Variants in HEATR5A observed in about 807,000 individuals in gnomAD.
HEATR5A encodes the protein HEAT repeat-containing protein 5A.
In HEATR5A, 178 loss-of-function variants were observed where a neutral mutation model predicts 218.8. The ratio of observed to expected loss-of-function variants is 0.81; its 90% CI spans 0.72 to 0.92. The LOEUF (loss-of-function observed/expected upper bound fraction) is 0.92, where lower values mean the gene tolerates loss of function less well. HEATR5A is among the 40% of genes least tolerant of loss of function. The pLI is 0.00. For missense variants in HEATR5A, 2,420 were observed against 2,418.9 expected, an observed-to-expected ratio of 1.00 and a Z score of -0.01; for synonymous variants, 864 against 871.6, an observed-to-expected ratio of 0.99 and a Z score of 0.15.
In HEATR5A at chr14:31,293,957, G is replaced by A. The variant is rs539562323; in HGVS notation, c.5767C>T (p.Leu1923Phe). Residue 1923 changes from leucine to phenylalanine, a missense_variant, in exon 35 of 36, where the codon CTT becomes TTT. By Grantham distance (22) the Leu-to-Phe change is conservative. Transcript: ENST00000543095. ...TTTATGCCTTCTTGGAAGATCTCAA[G>A]CTCAGCAGTGTTTTCAGGTTTTCTC... is the stretch of plus-strand genomic sequence containing the variant. ...DKRKPENTAE[L>F]EIFQEGIKVL... 5 of 1,607,858 alleles carry A rather than the reference G, an allele frequency of 3.1e-6. No homozygotes were observed. In the African/African-American group the frequency reaches 5.3e-5, roughly 17 times the overall value.
At chr14:31,325,928 T>C in intron 23 of HEATR5A, 1 of 553,778 alleles carries the variant, frequency 1.8e-6, no homozygotes, top group Non-Finnish European at 3.2e-6. Context: ...TATAGGAAAG[T>C]CATCTAAGAC....
At chr14:31,295,811 TA>T in intron 34 of HEATR5A, 97 bp downstream of exon 34, 1 of 912,960 alleles carries the variant, frequency 1.1e-6, no homozygotes, top group African/African-American at 1.7e-5. Context: ...AATTGTAGTC[TA>T]ATACTTCCTA....
In HEATR5A at chr14:31,340,406, C is replaced by T. The variant is rs186628689; in HGVS notation, c.3229-2792G>A. The T allele has an allele frequency of 2.7e-3, 3,384 of 1,247,544 alleles. 5 individuals carry two copies. Among genetic ancestry groups the T allele is most frequent in the Middle Eastern group, 3.9e-3 (18 of 4,580 alleles). The allele number at this position is 1,247,544 out of a possible 1,614,324, so 77.3% of individuals were successfully genotyped here. On this transcript the variant is annotated intron_variant, in intron 21 of 35. Coordinates refer to ENST00000543095, the MANE Select transcript of HEATR5A (RefSeq NM_015473.4). ...AAAAAATGACACAAAGAAACAGCAC[C>T]GCAAAACTCAAAAAAAGTTAGGAAT... is the stretch of plus-strand genomic sequence containing the variant.
chr14:31,359,750 A>AAAAAAAC, intron 14 of HEATR5A, among the ~76,000 whole-genome samples: 1 of 151,236 alleles, frequency 6.6e-6, no homozygotes, highest in African/African-American at 2.4e-5. Context: ...AAAAAAAAAA[A>AAAAAAAC]AAAGAATTAT....
chr14:31,325,379 G>A (rs1190783827), intron 23 of HEATR5A, among the ~76,000 whole-genome samples: 2 of 151,996 alleles, frequency 1.3e-5, no homozygotes, highest in Non-Finnish European at 2.9e-5. Context: ...ATTATTGTAT[G>A]TAGTGAAACT....
chr14:31,345,236 G>A lies in HEATR5A; in HGVS notation c.2909C>T (p.Ala970Val). 6.2e-7 allele frequency: 1 copy of A among 1,612,966 alleles called. No homozygotes were observed. The highest frequency in any genetic ancestry group is 8.5e-7 in the Non-Finnish European group (1 of 1,179,282). ...CACATGCACATAATAGAGTGGGCCA[G>A]CAGAATCAATGATCAATGATAGAGA... is the stretch of plus-strand genomic sequence containing the variant. The part of the protein sequence containing the change: ...LHSLSLIIDS[A>V]GPLYYVHVEP... The change falls in exon 20 of 36, where the codon GCT becomes GTT. Residue 970 changes from alanine (A) to valine (V), a missense_variant. Physicochemically the swap from Ala to Val is moderately conservative, Grantham distance 64. Transcript: ENST00000543095.
intron 16 of HEATR5A, among the ~76,000 whole-genome samples, chr14:31,354,760 G>T (rs936987981): frequency 5.9e-5 from 9 of 151,934 alleles, no homozygotes; most frequent in Admixed American, 1.3e-4. Context: ...CTTTAGACAG[G>T]GGGTACACAC....
chr14:31,314,683 G>A (rs149655025), intron 27 of HEATR5A, among the ~76,000 whole-genome samples: 1 of 152,104 alleles, frequency 6.6e-6, no homozygotes, highest in South Asian at 2.1e-4. Context: ...TTACAAGCAT[G>A]AGCCACTGCA....
intron 22 of HEATR5A, among the ~76,000 whole-genome samples, chr14:31,336,961 A>G (rs1229546160): frequency 4.6e-5 from 7 of 152,272 alleles, no homozygotes; most frequent in African/African-American, 7.2e-5. Context: ...CTCATAGGCT[A>G]CAAACCCATA....
intron 22 of HEATR5A, among the ~76,000 whole-genome samples, chr14:31,326,682 G>A (rs928383082): frequency 4.6e-5 from 7 of 151,812 alleles, no homozygotes; most frequent in Non-Finnish European, 1.0e-4. Context: ...CACTCTTGTT[G>A]CCCAGGCTAG....
chr14:31,294,101 G>A lies in HEATR5A; in HGVS notation c.5623C>T (p.Gln1875Ter). Residue 1875 changes from glutamine to a stop codon, truncating the protein, a stop_gained, in exon 35 of 36, where the codon CAA becomes TAA. Coordinates refer to ENST00000543095, the MANE Select transcript of HEATR5A (RefSeq NM_015473.4). LOFTEE classifies it high-confidence loss of function. ...ATLEIKDPVV[Q>*]IKTYQLLHSI... ...TGTAGGAGCTGGTAGGTCTTGATTT[G>A]TACCTAATAAGGTAAGAGAAAAGAA... 6.4e-7 allele frequency: 1 copy of A among 1,571,798 alleles called. No individual in the cohort carries two copies.
chr14:31,399,864 T>C (rs1039674637), intron 3 of HEATR5A, among the ~76,000 whole-genome samples: 1 of 152,128 alleles, frequency 6.6e-6, no homozygotes, highest in Non-Finnish European at 1.5e-5. Flanking sequence ...CATGGCTCAT[T>C]GCCTTTTTAA....
intron 31 of HEATR5A, among the ~76,000 whole-genome samples, chr14:31,305,789 G>A (rs541740104): frequency 2.0e-4 from 30 of 152,196 alleles, no homozygotes; most frequent in African/African-American, 6.5e-4. Flanking sequence ...CTTACGTATC[G>A]ATGGTGGCTG....
intron 1 of HEATR5A, among the ~76,000 whole-genome samples, chr14:31,419,294 G>A (rs1044142413): frequency 6.6e-6 from 1 of 151,252 alleles, no homozygotes; most frequent in African/African-American, 2.4e-5. Context: ...AAAAAAAAAA[G>A]TCAATGGCAT....
At position 31,371,865 on chromosome 14, in the gene HEATR5A, C is replaced by T. The variant is rs942058296; in HGVS notation, c.1906G>A (p.Glu636Lys). ...VSHCGDLLTE[E>K]VTQRLLPPLP... ...GGTGGAAGAAGACGCTGAGTTACTTCCTCAGTAAGAAGATCACCACAGTGG... is the reference window on the plus strand; with the variant it reads ...GGTGGAAGAAGACGCTGAGTTACTTTCTCAGTAAGAAGATCACCACAGTGG... The change falls in exon 13 of 36, where the codon GAA becomes AAA. Residue 636 changes from glutamate to lysine, a missense_variant. Glu to Lys is a moderately conservative substitution (Grantham distance 56). Coordinates refer to ENST00000543095, the MANE Select transcript of HEATR5A (RefSeq NM_015473.4). 4 of 1,553,698 alleles carry T rather than the reference C, an allele frequency of 2.6e-6. No individual in the cohort carries two copies. The African/African-American group carries it at 5.5e-5, about 21-fold the overall frequency.
At chr14:31,312,929 T>C (rs1197895613) in intron 28 of HEATR5A, 39 bp downstream of exon 28, 1 of 1,444,060 alleles carries the variant, frequency 6.9e-7, no homozygotes. Flanking sequence ...AATGTGTTAC[T>C]GTCACTCTAG....
intron 13 of HEATR5A, among the ~76,000 whole-genome samples, chr14:31,368,687 A>C (rs1357097510): frequency 6.8e-6 from 1 of 146,378 alleles, no homozygotes; most frequent in African/African-American, 2.5e-5. Flanking sequence ...GCATCAGTAC[A>C]TCTGACTCTA....
intron 21 of HEATR5A, among the ~76,000 whole-genome samples, chr14:31,343,586 T>TATG (rs1258963488): frequency 6.6e-6 from 1 of 152,184 alleles, no homozygotes; most frequent in Non-Finnish European, 1.5e-5. Flanking sequence ...ACATAGAGTT[T>TATG]TGCATGTCCT....
At position 31,387,366 on chromosome 14, in the gene HEATR5A, C is replaced by T. The variant is rs1566778399; in HGVS notation, c.943G>A (p.Val315Ile). ...VRVGVTQAYV[V>I]FVSTLGGAWL... ...GCTCCTCCTAGTGTTGAAACAAATA[C>T]CACATAAGCCTAAAAAGGAAAAGAG... The change falls in exon 8 of 36, where the codon GTA becomes ATA. Residue 315 changes from valine (V) to isoleucine (I), a missense_variant. Transcript: ENST00000543095. 2.5e-6 allele frequency: 4 copies of T among 1,609,704 alleles called. No individual in the cohort carries two copies. Among genetic ancestry groups the T allele is most frequent in the Non-Finnish European group, 3.4e-6 (4 of 1,177,398 alleles).
Sources: allele counts gnomAD v4.1 joint callset (sites outside exome capture counted in the v4.1 genomes callset), GRCh38; gene constraint gnomAD v4.1.1; transcripts MANE v1.5; gene names NCBI Gene and HGNC (gene_info 2026-07-23, HGNC 2026-07-21).